DOK6: variants seen among roughly 807,000 people sequenced by gnomAD.
DOK6 encodes downstream of tyrosine kinase 6.
Under a neutral mutation model 44.0 loss-of-function variants are expected in DOK6, and 22 were observed. The ratio of observed to expected loss-of-function variants is 0.50; its 90% CI spans 0.36 to 0.71. DOK6 has a LOEUF of 0.71. Among genes scored for constraint, DOK6 ranks in the 30% least tolerant of loss-of-function variants. The pLI, the probability that DOK6 is intolerant of heterozygous loss-of-function variation, is 0.00. For synonymous variants in DOK6, 166 were observed against 145.5 expected (o/e 1.14, Z -1.01); for missense variants, 340 against 416.4 (o/e 0.82, Z 1.60).
chr18:69,815,185 G>A (rs1323229825), intron 7 of DOK6, among the ~76,000 whole-genome samples: 1 of 152,146 alleles, frequency 6.6e-6, no homozygotes, highest in Non-Finnish European at 1.5e-5. Flanking sequence ...AAGAAAGAAG[G>A]GAGGGAGGCG....
chr18:69,662,379 A>AAT (rs1985552194), intron 3 of DOK6: 1 of 152,168 alleles, frequency 6.6e-6, no homozygotes, highest in Non-Finnish European at 1.5e-5. Flanking sequence ...TACTTATCAC[A>AAT]GCTACTTTTG....
At chr18:69,661,811 T>C (rs1985534323) in intron 3 of DOK6, 1 of 152,208 alleles carries the variant, frequency 6.6e-6, no homozygotes, top group South Asian at 2.1e-4. Flanking sequence ...ACATAATATA[T>C]GTAATGTGGA....
chr18:69,749,951 AAAAAG>A (rs1198908573), intron 6 of DOK6, among the ~76,000 whole-genome samples: 2 of 151,080 alleles, frequency 1.3e-5, no homozygotes, highest in Admixed American at 6.6e-5. Context: ...AAAAAAAAAA[AAAAAG>A]TTCTGGGTCA....
intron 5 of DOK6, among the ~76,000 whole-genome samples, chr18:69,719,314 G>C (rs773878736): frequency 1.3e-5 from 2 of 152,222 alleles, no homozygotes; most frequent in African/African-American, 2.4e-5. Context: ...TTCTGGGTGA[G>C]GGGTCAACAG....
intron 1 of DOK6, among the ~76,000 whole-genome samples, chr18:69,514,922 A>G (rs897041775): frequency 6.6e-6 from 1 of 151,732 alleles, no homozygotes; most frequent in African/African-American, 2.4e-5. Flanking sequence ...TCTTCTGTTC[A>G]TAGCCTCAGA....
intron 7 of DOK6, among the ~76,000 whole-genome samples, chr18:69,799,788 C>G (rs1980849197): frequency 6.6e-6 from 1 of 151,958 alleles, no homozygotes; most frequent in Non-Finnish European, 1.5e-5. Context: ...TTTAGGGTGC[C>G]CTCAGTGACC....
intron 2 of DOK6, among the ~76,000 whole-genome samples, chr18:69,592,779 T>C (rs1983651349): frequency 6.6e-6 from 1 of 152,166 alleles, no homozygotes; most frequent in Admixed American, 6.5e-5. Flanking sequence ...AAAGTACATA[T>C]TATTTTTAAT....
intron 4 of DOK6, among the ~76,000 whole-genome samples, chr18:69,689,193 G>C (rs1599264338): frequency 6.6e-6 from 1 of 152,120 alleles, no homozygotes; most frequent in Non-Finnish European, 1.5e-5. Context: ...GGTTCTGAGG[G>C]CCTGGACAAC....
intron 1 of DOK6, among the ~76,000 whole-genome samples, chr18:69,519,314 A>T (rs935515060): frequency 1.3e-5 from 2 of 151,986 alleles, no homozygotes; most frequent in Non-Finnish European, 2.9e-5. Flanking sequence ...AAAAAAACAC[A>T]AACCTCAGTA....
At chr18:69,586,106 C>T (rs1049622777) in intron 2 of DOK6, among the ~76,000 whole-genome samples, 2 of 152,130 alleles carry the variant, frequency 1.3e-5, no homozygotes, top group African/African-American at 4.8e-5. Context: ...AAACAGGGAA[C>T]TTCTTTATTA....
chr18:69,732,595 A>G (rs1297351273), intron 5 of DOK6, among the ~76,000 whole-genome samples: 2 of 152,212 alleles, frequency 1.3e-5, no homozygotes. Flanking sequence ...AAAAGAAAGA[A>G]AAGAAAAAAT....
intron 4 of DOK6, among the ~76,000 whole-genome samples, chr18:69,678,624 T>A (rs1354780772): frequency 6.6e-6 from 1 of 152,214 alleles, no homozygotes; most frequent in Non-Finnish European, 1.5e-5. Context: ...TACACTGTTC[T>A]CTAGTTTAAC....
chr18:69,614,467 T>G (rs1466207407), intron 3 of DOK6, among the ~76,000 whole-genome samples: 1 of 152,154 alleles, frequency 6.6e-6, no homozygotes, highest in African/African-American at 2.4e-5. Flanking sequence ...AATATATGTA[T>G]ACTTCATAAA....
intron 6 of DOK6, among the ~76,000 whole-genome samples, chr18:69,740,105 C>T (rs961146308): frequency 2.0e-5 from 3 of 152,092 alleles, no homozygotes; most frequent in Non-Finnish European, 4.4e-5. Flanking sequence ...CTTCCTAACA[C>T]CTCAGGAGGG....
At chr18:69,401,416 G>C in intron 1 of DOK6, 106 bp downstream of exon 1, 8 of 1,265,692 alleles carry the variant, frequency 6.3e-6, no homozygotes, top group Admixed American at 3.6e-5. Context: ...AGGGCAGAGA[G>C]GGACCCGGCC....
intron 7 of DOK6, among the ~76,000 whole-genome samples, chr18:69,759,844 T>G (rs1327125312): frequency 1.3e-5 from 2 of 152,222 alleles, no homozygotes; most frequent in Non-Finnish European, 2.9e-5. Flanking sequence ...CTCTGGTTGG[T>G]TGGTGATGAT....
At chr18:69,502,595 C>T (rs1568278352) in intron 1 of DOK6, among the ~76,000 whole-genome samples, 1 of 151,990 alleles carries the variant, frequency 6.6e-6, no homozygotes, top group Non-Finnish European at 1.5e-5. Flanking sequence ...GTATCAACCA[C>T]GTGAAATTCT....
chr18:69,563,578 A>G (rs899205970), intron 1 of DOK6, among the ~76,000 whole-genome samples: 11 of 146,716 alleles, frequency 7.5e-5, no homozygotes, highest in African/African-American at 2.7e-4. Context: ...GCATGTTCTC[A>G]CTCATAGGTG....
At chr18:69,783,686 C>T (rs1980345548) in intron 7 of DOK6, among the ~76,000 whole-genome samples, 1 of 152,034 alleles carries the variant, frequency 6.6e-6, no homozygotes. Context: ...TAATTAAAAA[C>T]ATCCAAATCA....
Sources: gnomAD v4.1 joint callset for allele counts (sites outside exome capture counted in the v4.1 genomes callset) on GRCh38, gnomAD v4.1.1 for gene constraint, MANE v1.5 for transcripts, NCBI Gene and HGNC (gene_info 2026-07-23, HGNC 2026-07-21) for gene names.